The following SPAG9 variants were observed in gnomAD, a reference collection of about 807,000 sequenced individuals.
SPAG9 encodes sperm associated antigen 9, also known as C-Jun-amino-terminal kinase-interacting protein 4.
Under a neutral mutation model 166.5 loss-of-function variants are expected in SPAG9, and 35 were observed. The ratio of observed to expected loss-of-function variants is 0.21; its 90% CI spans 0.16 to 0.28. The LOEUF is 0.28. Among genes scored for constraint, SPAG9 ranks in the 10% least tolerant of loss-of-function variants. The pLI is 1.00. For synonymous variants in SPAG9, 534 were observed against 565.5 expected, an observed-to-expected ratio of 0.94 and a Z score of 0.79; for missense variants, 1,235 against 1,603.3, an observed-to-expected ratio of 0.77 and a Z score of 3.92.
chr17:50,976,861 G>C, intron 27 of SPAG9: 1 of 338,732 alleles, frequency 3.0e-6, no homozygotes. Context: ...TTCAAAAGAT[G>C]AAATAGGACT....
intron 21 of SPAG9, 61 bp from the exon 22 acceptor site, chr17:50,987,298 A>G (rs1975124856): frequency 7.0e-7 from 1 of 1,434,850 alleles, no homozygotes; most frequent in Admixed American, 2.2e-5. Context: ...TATAGTTTTC[A>G]GGGACTGAAT....
chr17:51,083,816 A>G (rs1023192314), intron 1 of SPAG9, among the ~76,000 whole-genome samples: 6 of 152,054 alleles, frequency 3.9e-5, no homozygotes, highest in African/African-American at 1.4e-4. Context: ...TGATCCATCT[A>G]TGAACCATAT....
rs1215302998 is a variant in SPAG9, at chr17:51,056,145, G to A, written c.495+267C>T. On this transcript the variant is annotated intron_variant, in intron 3 of 29. Transcript: ENST00000262013. ...GTGCACATAGGTTTTTGCTTAGCCA[G>A]CCAAGGAGAGAAGTACTATAGCTGC... is the stretch of plus-strand genomic sequence containing the variant. 5.3e-5 allele frequency among the ~76,000 whole-genome samples: 8 copies of A among 152,078 alleles called. 1 individual carries two copies. The highest frequency in any genetic ancestry group is 3.3e-4 in the Admixed American group (5 of 15,260).
chr17:51,031,438 T>C (rs1262252495), intron 6 of SPAG9: 7 of 518,156 alleles, frequency 1.4e-5, no homozygotes, highest in Non-Finnish European at 2.4e-5. Context: ...TTTCACAGAA[T>C]TTACTTATAT....
intron 4 of SPAG9, among the ~76,000 whole-genome samples, chr17:51,043,443 G>T (rs1481648017): frequency 6.6e-6 from 1 of 152,024 alleles, no homozygotes; most frequent in Non-Finnish European, 1.5e-5. Context: ...GTTCTTTCTT[G>T]AAAATGACTG....
intron 5 of SPAG9, among the ~76,000 whole-genome samples, chr17:51,034,235 C>T (rs1392900368): frequency 1.3e-5 from 2 of 152,082 alleles, no homozygotes; most frequent in African/African-American, 2.4e-5. Context: ...TTTTATTTTA[C>T]CCTAGTAGGC....
intron 12 of SPAG9, among the ~76,000 whole-genome samples, chr17:51,002,781 C>CAAA (rs1277140677): frequency 6.6e-6 from 1 of 151,580 alleles, no homozygotes; most frequent in Non-Finnish European, 1.5e-5. Flanking sequence ...ACAACAACAA[C>CAAA]AAAAACAACA....
At chr17:51,004,807 A>G (rs565018038) in intron 12 of SPAG9, among the ~76,000 whole-genome samples, 1 of 152,258 alleles carries the variant, frequency 6.6e-6, no homozygotes, top group Non-Finnish European at 1.5e-5. Flanking sequence ...GTTCACAACA[A>G]TATGAACTAA....
chr17:51,095,339 G>A (rs919212108), intron 1 of SPAG9, among the ~76,000 whole-genome samples: 7 of 146,252 alleles, frequency 4.8e-5, no homozygotes, highest in Non-Finnish European at 7.5e-5. Context: ...GCCAGGCACG[G>A]TGGCTCACGC....
At chr17:51,007,760 A>G in intron 9 of SPAG9, 1 of 413,286 alleles carries the variant, frequency 2.4e-6, no homozygotes, top group South Asian at 1.8e-5. Flanking sequence ...TTTGCCTAAA[A>G]ATTAGACCTT....
chr17:51,079,455 T>A, intron 2 of SPAG9, 129 bp downstream of exon 2: 2 of 741,478 alleles, frequency 2.7e-6, no homozygotes, highest in South Asian at 3.9e-5. Context: ...ACCAGGCTGG[T>A]CTTGAACTCC....
At chr17:51,054,898 G>A (rs1186294261) in intron 3 of SPAG9, among the ~76,000 whole-genome samples, 2 of 152,080 alleles carry the variant, frequency 1.3e-5, no homozygotes, top group Admixed American at 6.6e-5. Flanking sequence ...AGCTAAGATT[G>A]TAATAATCAA....
intron 1 of SPAG9, among the ~76,000 whole-genome samples, chr17:51,104,949 A>C (rs906264024): frequency 8.0e-6 from 1 of 125,378 alleles, no homozygotes; most frequent in Non-Finnish European, 1.8e-5. Flanking sequence ...AAAAAAAATT[A>C]GCTGGGTGTG....
At chr17:51,051,510 AGGAGTTTAAGACCAGCCT>A (rs1414287566) in intron 3 of SPAG9, among the ~76,000 whole-genome samples, 1 of 151,734 alleles carries the variant, frequency 6.6e-6, no homozygotes, top group Non-Finnish European at 1.5e-5. Context: ...ACTTGAGGCC[AGGAGTTTAAGACCAGCCT>A]GGACAACATG....
At chr17:51,039,173 T>G (rs1302028007) in intron 5 of SPAG9, among the ~76,000 whole-genome samples, 1 of 152,216 alleles carries the variant, frequency 6.6e-6, no homozygotes, top group Non-Finnish European at 1.5e-5. Flanking sequence ...ATTTACACCT[T>G]CCATTTTTTC....
chr17:51,001,701 C>A lies in SPAG9; in HGVS notation c.1607+14G>T, dbSNP rs745451843. On this transcript the variant is annotated intron_variant, in intron 13 of 29. Transcript: ENST00000262013. Reference sequence around the variant, plus strand: ...ATAATAGTAGGAAAATAATGGAGCGCTTGTCATACAAACCGAATCATCTCT... The same window carrying A: ...ATAATAGTAGGAAAATAATGGAGCGATTGTCATACAAACCGAATCATCTCT... 1.4e-5 allele frequency: 23 copies of A among 1,600,536 alleles called. No individual in the cohort carries two copies. Among genetic ancestry groups the A allele is most frequent in the Middle Eastern group, 3.3e-4 (2 of 6,042 alleles).
At chr17:50,990,704 C>A (rs748673080) in intron 19 of SPAG9, 36 bp from the exon 20 acceptor site, 2 of 1,540,156 alleles carry the variant, frequency 1.3e-6, no homozygotes, top group Non-Finnish European at 1.8e-6. Context: ...GCAAAGTAAA[C>A]TTCTATAAAT....
chr17:51,098,636 G>A (rs1346861360), intron 1 of SPAG9, among the ~76,000 whole-genome samples: 1 of 152,014 alleles, frequency 6.6e-6, no homozygotes, highest in East Asian at 1.9e-4. Context: ...GAGATTACAG[G>A]CATCTGCCAC....
In SPAG9 at chr17:50,990,653, T is replaced by G. The variant is rs1489419124; in HGVS notation, c.2414A>C (p.Asp805Ala). ...TGAAAGATCTTCTCCTGCAGGGTAG[T>G]CTGTTTCTCGTGCACCTGAAAAATA... is the stretch of plus-strand genomic sequence containing the variant. ...IASVPGARET[D>A]YPAGEDLSES... Residue 805 changes from aspartate to alanine, a missense_variant, in exon 20 of 30, where the codon GAC (aspartate) becomes GCC (alanine). By Grantham distance (126) the Asp-to-Ala change is moderately radical. Around this residue, in one of 6 missense-constraint regions of SPAG9, gnomAD observed 493 missense variants for 559.4 expected, o/e 0.88. Transcript: ENST00000262013. 6.2e-7 allele frequency: 1 copy of G among 1,613,982 alleles called. No homozygotes were observed. Among genetic ancestry groups the G allele is most frequent in the African/African-American group, 1.3e-5 (1 of 74,938 alleles).
Sources: allele counts gnomAD v4.1 joint callset (sites outside exome capture counted in the v4.1 genomes callset), GRCh38; gene constraint gnomAD v4.1.1; regional missense constraint gnomAD v4.1.1; transcripts MANE v1.5; gene names NCBI Gene and HGNC (gene_info 2026-07-23, HGNC 2026-07-21).